SIK3: variants seen among roughly 807,000 people sequenced by gnomAD.
SIK3 encodes the protein SIK family kinase 3.
In SIK3, 28 loss-of-function variants were observed where a neutral mutation model predicts 144.2. The observed-to-expected ratio is 0.19, with a 90% CI of 0.14 to 0.27. The LOEUF (loss-of-function observed/expected upper bound fraction) is 0.27. SIK3 is among the 10% of genes least tolerant of loss of function. SIK3 has a pLI of 1.00. For synonymous variants in SIK3, 686 were observed against 676.3 expected, an observed-to-expected ratio of 1.01 and a Z score of -0.22; for missense variants, 1,319 against 1,776.0, an observed-to-expected ratio of 0.74 and a Z score of 4.62.
chr11:116,906,373 G>C (rs985710472), intron 4 of SIK3, among the ~76,000 whole-genome samples: 1 of 152,170 alleles, frequency 6.6e-6, no homozygotes. Context: ...TCCTGAGTTT[G>C]AGAAGGTGAT....
chr11:116,979,880 C>A (rs2135507112), intron 1 of SIK3, among the ~76,000 whole-genome samples: 1 of 152,062 alleles, frequency 6.6e-6, no homozygotes, highest in Non-Finnish European at 1.5e-5. Flanking sequence ...AGAGAGAGAG[C>A]ATAAGGCATA....
chr11:116,849,043 A>T lies in SIK3; in HGVS notation c.3819+77T>A. ...CTGAGGAGAGCGGCCAAGAGAGGCT[A>T]CCCCACATCACTATACTCTGTTTCA... On this transcript the variant is annotated intron_variant, in intron 22 of 24. Transcript: ENST00000445177. The surrounding 1 kb of genome is among the most constrained non-coding windows in gnomAD (Gnocchi z 4.2). 6.9e-7 allele frequency: 1 copy of T among 1,449,962 alleles called. No homozygotes were observed. Among genetic ancestry groups the T allele is most frequent in the Non-Finnish European group, 9.2e-7 (1 of 1,085,580 alleles). The allele number at this position is 1,449,962 out of a possible 1,614,324, so 89.8% of individuals were successfully genotyped here. A position where few individuals can be genotyped will look rare whatever the true frequency, so the allele number is the denominator to read the frequency against.
chr11:117,035,013 A>G (rs1423190505), intron 1 of SIK3, among the ~76,000 whole-genome samples: 1 of 152,234 alleles, frequency 6.6e-6, no homozygotes, highest in Non-Finnish European at 1.5e-5. Context: ...TAAAACTGAA[A>G]GTTTTGAACT....
chr11:116,915,485 C>A (rs977012941), intron 4 of SIK3, among the ~76,000 whole-genome samples: 1 of 152,144 alleles, frequency 6.6e-6, no homozygotes, highest in Non-Finnish European at 1.5e-5. Flanking sequence ...TGGGTCATTA[C>A]TTATTAGCAC....
intron 6 of SIK3, among the ~76,000 whole-genome samples, chr11:116,877,595 T>C (rs937159012): frequency 6.6e-6 from 1 of 152,200 alleles, no homozygotes; most frequent in African/African-American, 2.4e-5. Flanking sequence ...GCCTTATTTA[T>C]CATTTTCTTC....
At chr11:116,946,200 T>C (rs892441632) in intron 3 of SIK3, among the ~76,000 whole-genome samples, 8 of 152,214 alleles carry the variant, frequency 5.3e-5, no homozygotes, top group Admixed American at 5.2e-4. Context: ...TCAAGTCTCA[T>C]ATTTAAACGA....
chr11:117,093,663 T>C (rs566506020), intron 1 of SIK3, among the ~76,000 whole-genome samples: 14 of 133,020 alleles, frequency 1.1e-4, no homozygotes, highest in African/African-American at 4.6e-4. Flanking sequence ...ATAAGTCACA[T>C]TGCTATTTAA....
At position 116,876,260 on chromosome 11, in the gene SIK3, G is replaced by A. The variant is rs1446525755; in HGVS notation, c.1088C>T (p.Thr363Ile). ...MEDMGLDKEQ[T>I]LQSLRSDAYD... Reference sequence around the variant, plus strand: ...CCACTCCTTCGGAGATACCTGCAGTGTCTGTTCTTTGTCCAGTCCCATGTC... The same window carrying A: ...CCACTCCTTCGGAGATACCTGCAGTATCTGTTCTTTGTCCAGTCCCATGTC... Residue 363 changes from threonine (T) to isoleucine (I), a missense_variant, in exon 8 of 25, where the codon ACA becomes ATA. Coordinates refer to ENST00000445177, the MANE Select transcript of SIK3 (RefSeq NM_001366686.3). The A allele has an allele frequency of 1.2e-6, 2 of 1,613,656 alleles. No homozygotes were observed. The highest frequency in any genetic ancestry group is 8.5e-7 in the Non-Finnish European group (1 of 1,179,544).
intron 1 of SIK3, among the ~76,000 whole-genome samples, chr11:116,990,984 T>A (rs1950481094): frequency 6.6e-6 from 1 of 152,254 alleles, no homozygotes; most frequent in South Asian, 2.1e-4. Flanking sequence ...GTGCTTTACA[T>A]ATTATCCCGT....
At chr11:117,038,078 AT>A (rs1408464079) in intron 1 of SIK3, among the ~76,000 whole-genome samples, 1 of 152,198 alleles carries the variant, frequency 6.6e-6, no homozygotes, top group Non-Finnish European at 1.5e-5. Context: ...TGCCAGAATC[AT>A]TTGCACTAGA....
chr11:116,857,481 CT>C lies in SIK3; in HGVS notation c.3655+328del, dbSNP rs374336781. ...TTTACACTAAATTATGTTGGGCTGA[CT>C]TTTTTTCTATTGCACAAGTTTAAAG... is the stretch of plus-strand genomic sequence containing the variant. On this transcript the variant is annotated intron_variant, in intron 21 of 24. Coordinates refer to ENST00000445177, the MANE Select transcript of SIK3 (RefSeq NM_001366686.3). 1.3e-3 allele frequency: 380 copies of C among 288,848 alleles called. 9 individuals are homozygous for C. The South Asian group carries it at 0.021, about 16-fold the overall frequency. The allele number at this position is 288,848 out of a possible 1,614,324, so 17.9% of individuals were successfully genotyped here.
At chr11:117,072,395 A>T (rs890043230) in intron 1 of SIK3, among the ~76,000 whole-genome samples, 8 of 152,102 alleles carry the variant, frequency 5.3e-5, no homozygotes, top group African/African-American at 1.9e-4. Context: ...CAAAAAAAAT[A>T]AAAATAAAAA....
chr11:116,976,262 A>G (rs1317225262), intron 1 of SIK3, among the ~76,000 whole-genome samples: 1 of 152,176 alleles, frequency 6.6e-6, no homozygotes. Context: ...TTGGTAGTCT[A>G]TTTAAGAAAC....
At chr11:117,086,157 T>C (rs965148708) in intron 1 of SIK3, among the ~76,000 whole-genome samples, 8 of 152,094 alleles carry the variant, frequency 5.3e-5, no homozygotes, top group African/African-American at 1.9e-4. Context: ...CCCCACAACA[T>C]ACTAAGCACA....
chr11:117,025,785 T>C (rs1178477562), intron 1 of SIK3, among the ~76,000 whole-genome samples: 8 of 152,060 alleles, frequency 5.3e-5, no homozygotes, highest in Non-Finnish European at 1.2e-4. Context: ...TAAATTAAGG[T>C]TATTATTTTT....
At chr11:117,062,590 A>T (rs1463606175) in intron 1 of SIK3, among the ~76,000 whole-genome samples, 1 of 152,244 alleles carries the variant, frequency 6.6e-6, no homozygotes, top group Non-Finnish European at 1.5e-5. Context: ...AAAGAAATAC[A>T]GTAAGTCCAA....
chr11:117,079,314 G>A (rs2136042866), intron 1 of SIK3, among the ~76,000 whole-genome samples: 1 of 152,286 alleles, frequency 6.6e-6, no homozygotes, highest in East Asian at 1.9e-4. Flanking sequence ...TTGGAGTTTT[G>A]TAAATGATAG....
intron 4 of SIK3, among the ~76,000 whole-genome samples, chr11:116,914,263 C>T (rs1460614748): frequency 6.9e-6 from 1 of 145,810 alleles, no homozygotes; most frequent in African/African-American, 2.6e-5. Context: ...GGCTAGAGTG[C>T]AATGCCACCA....
chr11:116,861,941 G>C lies in SIK3; in HGVS notation c.2230-15C>G, dbSNP rs369058106. On this transcript the variant is annotated splice_polypyrimidine_tract_variant and intron_variant, in intron 17 of 24. Transcript: ENST00000445177. ...CAGATAGAGTCCTAAAACATATATG[G>C]GGAAAGGAAAAAAATTATTGTGAGC... 2.6e-4 allele frequency: 410 copies of C among 1,573,586 alleles called. 6 individuals carry two copies. The South Asian group carries it at 4.2e-3, about 16-fold the overall frequency.
Sources: allele counts gnomAD v4.1 joint callset (sites outside exome capture counted in the v4.1 genomes callset), GRCh38; gene constraint gnomAD v4.1.1; non-coding constraint Gnocchi (gnomAD v3.1); transcripts MANE v1.5; gene names NCBI Gene and HGNC (gene_info 2026-07-23, HGNC 2026-07-21).